The following BBS9 variants were observed in gnomAD, a reference collection of about 807,000 sequenced individuals.
BBS9 encodes the protein Bardet-Biedl syndrome 9, also known as protein PTHB1.
A neutral mutation model predicts 117.7 loss-of-function variants in BBS9; 89 were observed. That is an observed-to-expected ratio of 0.76 (90% CI 0.64 to 0.90). The LOEUF is 0.90. Ranked by LOEUF, BBS9 falls within the 40% of genes least tolerant of loss-of-function variation. The pLI is 0.00. For missense variants in BBS9, 982 were observed against 1,042.2 expected, an observed-to-expected ratio of 0.94 and a Z score of 0.80; for synonymous variants, 379 against 370.9, an observed-to-expected ratio of 1.02 and a Z score of -0.25.
chr7:33,608,477 T>A (rs541359648), downstream of BBS9, among the ~76,000 whole-genome samples: 6 of 152,254 alleles, frequency 3.9e-5, no homozygotes, highest in East Asian at 3.9e-4. Context: ...CTACAGTGGC[T>A]GAACTAATTT....
chr7:33,216,264 C>A (rs910220304), intron 5 of BBS9, among the ~76,000 whole-genome samples: 2 of 152,176 alleles, frequency 1.3e-5, no homozygotes, highest in South Asian at 2.1e-4. Context: ...TAAACACTGT[C>A]TTTAAAAATA....
chr7:33,359,297 T>C (rs1164871500), intron 16 of BBS9, among the ~76,000 whole-genome samples: 1 of 152,054 alleles, frequency 6.6e-6, no homozygotes, highest in Non-Finnish European at 1.5e-5. Flanking sequence ...GAGGAAGGGT[T>C]GATCTTTACT....
intron 4 of BBS9, among the ~76,000 whole-genome samples, chr7:33,157,961 A>G (rs1222136396): frequency 2.6e-5 from 4 of 152,214 alleles, no homozygotes; most frequent in African/African-American, 9.6e-5. Context: ...GATGGGCTTC[A>G]GTTTCTGAAT....
At chr7:33,142,661 T>G (rs1180710183) in intron 1 of BBS9, among the ~76,000 whole-genome samples, 3 of 152,230 alleles carry the variant, frequency 2.0e-5, no homozygotes, top group Non-Finnish European at 4.4e-5. Flanking sequence ...GTACCTCACA[T>G]AAGTGGAATC....
intron 16 of BBS9, among the ~76,000 whole-genome samples, chr7:33,358,664 T>C (rs1285577691): frequency 6.6e-6 from 1 of 151,900 alleles, no homozygotes; most frequent in Non-Finnish European, 1.5e-5. Flanking sequence ...TAACCAAGGT[T>C]TTTAGTGTGT....
chr7:33,254,665 C>T (rs367705942), intron 5 of BBS9, among the ~76,000 whole-genome samples: 2 of 152,236 alleles, frequency 1.3e-5, no homozygotes, highest in African/African-American at 4.8e-5. Context: ...TCCTTGCTTT[C>T]CCCATCCCTG....
chr7:33,146,717 A>AAAAAG (rs1562673956), intron 2 of BBS9, among the ~76,000 whole-genome samples: 1 of 148,010 alleles, frequency 6.8e-6, no homozygotes, highest in African/African-American at 2.5e-5. Flanking sequence ...AAAAAAAAAA[A>AAAAAG]AGAGATAAAA....
chr7:33,227,454 T>C (rs111519497), intron 5 of BBS9, among the ~76,000 whole-genome samples: 4,338 of 152,214 alleles, frequency 0.028, 93 homozygotes, highest in Non-Finnish European at 0.043. Context: ...GCCTAATCTT[T>C]TTTAAAAAAT....
At chr7:33,566,050 ATGTCTATT>A (rs1187693804) in intron 21 of BBS9, among the ~76,000 whole-genome samples, 1 of 150,920 alleles carries the variant, frequency 6.6e-6, no homozygotes. Context: ...TTATCTACAA[ATGTCTATT>A]TAAGTTTCCT....
At chr7:33,421,290 TGTTTAGAA>T (rs1447338104) in intron 19 of BBS9, among the ~76,000 whole-genome samples, 1 of 152,152 alleles carries the variant, frequency 6.6e-6, no homozygotes, top group Non-Finnish European at 1.5e-5. Flanking sequence ...ACTTTGAATT[TGTTTAGAA>T]GAAAAAAGAT....
intron 19 of BBS9, among the ~76,000 whole-genome samples, chr7:33,455,574 C>G (rs1838528890): frequency 6.6e-6 from 1 of 152,270 alleles, no homozygotes; most frequent in South Asian, 2.1e-4. Flanking sequence ...CAAAGTTGGT[C>G]TGGCTTTTCC....
At chr7:33,298,779 T>C (rs1805784397) in intron 9 of BBS9, among the ~76,000 whole-genome samples, 1 of 152,140 alleles carries the variant, frequency 6.6e-6, no homozygotes, top group Non-Finnish European at 1.5e-5. Flanking sequence ...TTAGAGGCAT[T>C]TGATTCAGGA....
At chr7:33,581,095 TGAGAGAGA>T (rs10609889) in intron 21 of BBS9, among the ~76,000 whole-genome samples, 45 of 149,134 alleles carry the variant, frequency 3.0e-4, no homozygotes, top group Non-Finnish European at 4.9e-4. Flanking sequence ...TGTGTGTGTG[TGAGAGAGA>T]GAGAGAGAGA....
intron 19 of BBS9, among the ~76,000 whole-genome samples, chr7:33,408,270 C>T (rs539598235): frequency 1.2e-3 from 186 of 152,220 alleles, no homozygotes; most frequent in African/African-American, 4.3e-3. Context: ...CCTGGTGCGC[C>T]GTTTCCTAAG....
intron 5 of BBS9, among the ~76,000 whole-genome samples, chr7:33,230,223 T>C (rs1029207235): frequency 6.6e-6 from 1 of 152,194 alleles, no homozygotes; most frequent in African/African-American, 2.4e-5. Flanking sequence ...GTTGATTGTT[T>C]CCTTTGCTGT....
intron 5 of BBS9, among the ~76,000 whole-genome samples, chr7:33,235,225 TC>T (rs1480537706): frequency 6.6e-6 from 1 of 152,180 alleles, no homozygotes; most frequent in Non-Finnish European, 1.5e-5. Flanking sequence ...ATTCTTCTAT[TC>T]CCCTTCCTCT....
At chr7:33,431,758 G>C (rs1237869392) in intron 19 of BBS9, among the ~76,000 whole-genome samples, 1 of 152,168 alleles carries the variant, frequency 6.6e-6, no homozygotes, top group African/African-American at 2.4e-5. Flanking sequence ...TTTTGCTATA[G>C]CAGCCCAAAT....
chr7:33,216,665 A>C (rs1436039393), intron 5 of BBS9, among the ~76,000 whole-genome samples: 1 of 152,214 alleles, frequency 6.6e-6, no homozygotes, highest in Admixed American at 6.5e-5. Flanking sequence ...AGTTTGTGGG[A>C]GAATCTTGAC....
chr7:33,305,444 T>A (rs1400580864), intron 9 of BBS9, among the ~76,000 whole-genome samples: 1 of 152,214 alleles, frequency 6.6e-6, no homozygotes, highest in East Asian at 1.9e-4. Context: ...TTAGGAAGTA[T>A]TCCTTCCTCC....
Sources: gnomAD v4.1 joint callset for allele counts (sites outside exome capture counted in the v4.1 genomes callset) on GRCh38, gnomAD v4.1.1 for gene constraint, MANE v1.5 for transcripts, NCBI Gene and HGNC (gene_info 2026-07-23, HGNC 2026-07-21) for gene names.